Variants in BNC2 observed in about 807,000 individuals in gnomAD.
The protein encoded by BNC2 is zinc finger protein basonuclin-2.
A neutral mutation model predicts 76.3 loss-of-function variants in BNC2; 20 were observed. That is an observed-to-expected ratio of 0.26 (90% CI 0.18 to 0.38). The LOEUF (loss-of-function observed/expected upper bound fraction) is 0.38. BNC2 is among the 10% of genes least tolerant of loss of function. BNC2 has a pLI of 1.00. For synonymous variants in BNC2, 582 were observed against 514.8 expected (o/e 1.13, Z -1.77); for missense variants, 1,382 against 1,399.8 (o/e 0.99, Z 0.20).
chr9:16,567,022 TA>T (rs1454387520), intron 4 of BNC2, among the ~76,000 whole-genome samples: 2 of 152,218 alleles, frequency 1.3e-5, no homozygotes, highest in African/African-American at 4.8e-5. Context: ...TTGGATTTCC[TA>T]AAATGCTAGA....
In BNC2 at chr9:16,789,947, C is replaced by A. The variant is rs528492926; in HGVS notation, c.4-51462G>T. Among the ~76,000 whole-genome samples, 8 of 152,306 alleles carry A rather than the reference C, an allele frequency of 5.3e-5. No individual in the cohort carries two copies. In the South Asian group the frequency reaches 1.7e-3, roughly 32 times the overall value. ...TGGCTCAATAAATACAGGTAGTCCT[C>A]ATTTTGCATGATAATGCAATACCAC... On this transcript the variant is annotated intron_variant, in intron 1 of 6. Coordinates refer to ENST00000380672, the MANE Select transcript of BNC2 (RefSeq NM_017637.6).
intron 3 of BNC2, 62 bp from the exon 4 acceptor site, chr9:16,583,147 C>A: frequency 7.5e-7 from 1 of 1,335,828 alleles, no homozygotes; most frequent in East Asian, 2.3e-5. Context: ...CTCTTTTCAC[C>A]ATTTCAATAA....
At chr9:16,856,797 A>C (rs1216249195) in intron 1 of BNC2, among the ~76,000 whole-genome samples, 2 of 152,192 alleles carry the variant, frequency 1.3e-5, no homozygotes, top group Admixed American at 6.5e-5. Flanking sequence ...GAACTATCAC[A>C]TTGTACTTCC....
At chr9:16,839,576 G>T (rs922456372) in intron 1 of BNC2, among the ~76,000 whole-genome samples, 1 of 152,178 alleles carries the variant, frequency 6.6e-6, no homozygotes, top group African/African-American at 2.4e-5. Flanking sequence ...AGAACCCCAT[G>T]CAAGTCTAAA....
intron 5 of BNC2, among the ~76,000 whole-genome samples, chr9:16,528,793 T>C (rs1435569689): frequency 1.3e-5 from 2 of 151,576 alleles, no homozygotes; most frequent in South Asian, 4.2e-4. Context: ...AATGGGAAAT[T>C]ATATGGAGGT....
chr9:16,771,272 G>T (rs1185940466), intron 1 of BNC2, among the ~76,000 whole-genome samples: 2 of 152,216 alleles, frequency 1.3e-5, no homozygotes, highest in Non-Finnish European at 2.9e-5. Context: ...GTGAAAAAAG[G>T]TATCAATTTG....
At chr9:16,621,451 G>A (rs1218993697) in intron 3 of BNC2, among the ~76,000 whole-genome samples, 1 of 152,164 alleles carries the variant, frequency 6.6e-6, no homozygotes, top group East Asian at 1.9e-4. Context: ...ATATTTACTT[G>A]AAGTATTACT....
chr9:16,853,458 T>C (rs1232456291), intron 1 of BNC2, among the ~76,000 whole-genome samples: 1 of 152,132 alleles, frequency 6.6e-6, no homozygotes, highest in African/African-American at 2.4e-5. Context: ...GTTCTTTGAT[T>C]TTCAACGTAA....
At chr9:16,792,248 T>TTTG (rs59983343) in intron 1 of BNC2, among the ~76,000 whole-genome samples, 139,228 of 152,094 alleles carry the variant, frequency 0.92, 63,781 homozygotes, top group East Asian at 0.99. Flanking sequence ...TAACCCCCAT[T>TTTG]CAGAATACCA....
chr9:16,785,518 C>T (rs2071617512), intron 1 of BNC2, among the ~76,000 whole-genome samples: 1 of 150,922 alleles, frequency 6.6e-6, no homozygotes, highest in East Asian at 1.9e-4. Flanking sequence ...CCTCAGCCTC[C>T]TGAGTTGCTG....
rs112201972 is a variant in BNC2 at position 16,626,901 on chromosome 9, A to G, written c.331-43816T>C. On this transcript the variant is annotated intron_variant, in intron 3 of 6. Coordinates refer to ENST00000380672, the MANE Select transcript of BNC2 (RefSeq NM_017637.6). Reference sequence around the variant, plus strand: ...TTTTAATAAAGCAGCACGTTTGCACACTCACAGCCCTGTTAATTTAATACC... The same window carrying G: ...TTTTAATAAAGCAGCACGTTTGCACGCTCACAGCCCTGTTAATTTAATACC... 5.5e-4 allele frequency among the ~76,000 whole-genome samples: 84 copies of G among 152,150 alleles called. 1 individual carries two copies. The highest frequency in any genetic ancestry group is 1.7e-3 in the African/African-American group (70 of 41,518).
chr9:16,568,685 T>C (rs1408941090), intron 4 of BNC2, among the ~76,000 whole-genome samples: 1 of 152,170 alleles, frequency 6.6e-6, no homozygotes, highest in Non-Finnish European at 1.5e-5. Context: ...TACTCTTAGA[T>C]TGTAAGCTAG....
chr9:16,480,745 C>G (rs1016990913), intron 5 of BNC2, among the ~76,000 whole-genome samples: 5 of 152,234 alleles, frequency 3.3e-5, no homozygotes, highest in African/African-American at 1.2e-4. Flanking sequence ...TGCCTTCCGG[C>G]GGGGCAGGGC....
In BNC2 at chr9:16,838,600, G is replaced by C. The variant is rs111515868; in HGVS notation, c.3+32046C>G. Reference sequence around the variant, plus strand: ...GCGAGTTGTTACCTCAAATGTTTTAGTTCTGTGGATGTCACTGTAAAAACT... The same window carrying C: ...GCGAGTTGTTACCTCAAATGTTTTACTTCTGTGGATGTCACTGTAAAAACT... On this transcript the variant is annotated intron_variant, in intron 1 of 6. Transcript: ENST00000380672. 1.7e-3 allele frequency among the ~76,000 whole-genome samples: 264 copies of C among 152,244 alleles called. 1 individual carries two copies. The highest frequency in any genetic ancestry group is 6.0e-3 in the African/African-American group (251 of 41,550).
At chr9:16,740,897 C>G (rs985105648) in intron 1 of BNC2, among the ~76,000 whole-genome samples, 1 of 151,662 alleles carries the variant, frequency 6.6e-6, no homozygotes, top group African/African-American at 2.4e-5. Context: ...GTAAGAGATA[C>G]AGAAAAAAAA....
chr9:16,542,552 T>C (rs1208373883), intron 5 of BNC2, among the ~76,000 whole-genome samples: 1 of 152,180 alleles, frequency 6.6e-6, no homozygotes, highest in Non-Finnish European at 1.5e-5. Context: ...ATCTTTAAAA[T>C]CTAAGGCTAT....
chr9:16,522,379 C>T (rs955398986), intron 5 of BNC2, among the ~76,000 whole-genome samples: 2 of 152,214 alleles, frequency 1.3e-5, no homozygotes, highest in African/African-American at 4.8e-5. Context: ...GCTCAGCAGC[C>T]AAGTGACAGA....
At chr9:16,599,449 C>T (rs990731499) in intron 3 of BNC2, among the ~76,000 whole-genome samples, 6 of 152,204 alleles carry the variant, frequency 3.9e-5, no homozygotes, top group Non-Finnish European at 7.3e-5. Flanking sequence ...ACACCTTCTT[C>T]AAATGAATGG....
intron 3 of BNC2, among the ~76,000 whole-genome samples, chr9:16,687,129 T>C (rs1271046763): frequency 1.3e-5 from 2 of 152,124 alleles, no homozygotes; most frequent in Non-Finnish European, 2.9e-5. Context: ...CACATGTTAT[T>C]AGGTTGTAAA....
Sources: allele counts gnomAD v4.1 joint callset (sites outside exome capture counted in the v4.1 genomes callset), GRCh38; gene constraint gnomAD v4.1.1; transcripts MANE v1.5; gene names NCBI Gene and HGNC (gene_info 2026-07-23, HGNC 2026-07-21).